Variants in TJP2 observed in about 807,000 individuals in gnomAD.
TJP2 encodes Friedreich ataxia region gene X104 (tight junction protein ZO-2).
A neutral mutation model predicts 133.1 loss-of-function variants in TJP2; 91 were observed. That is an observed-to-expected ratio of 0.68 (90% CI 0.58 to 0.81). TJP2 has a LOEUF of 0.81. TJP2 is among the 40% of genes least tolerant of loss of function. The probability of loss-of-function intolerance (pLI) is 0.00; values close to 1 mark genes in which losing one functional copy is unlikely to be tolerated. For synonymous variants in TJP2, 592 were observed against 583.4 expected, an observed-to-expected ratio of 1.01 and a Z score of -0.21; for missense variants, 1,541 against 1,565.6, an observed-to-expected ratio of 0.98 and a Z score of 0.26.
chr9:69,237,514 A>C (rs1030143297), intron 14 of TJP2, among the ~76,000 whole-genome samples: 2 of 152,164 alleles, frequency 1.3e-5, no homozygotes, highest in Non-Finnish European at 2.9e-5. Flanking sequence ...AAAAATAAAA[A>C]AAGTTTCCAT....
At chr9:69,180,009 G>A (rs1317023214) in intron 1 of TJP2, among the ~76,000 whole-genome samples, 1 of 152,122 alleles carries the variant, frequency 6.6e-6, no homozygotes, top group African/African-American at 2.4e-5. Context: ...TTCTATTGTA[G>A]ACTTTAATCA....
At chr9:69,226,925 A>G (rs187765864) in intron 7 of TJP2, among the ~76,000 whole-genome samples, 2 of 152,374 alleles carry the variant, frequency 1.3e-5, no homozygotes, top group Non-Finnish European at 2.9e-5. Flanking sequence ...ATTAATTAGC[A>G]GTCTGCATCA....
chr9:69,173,562 G>GA (rs1824809450), upstream of TJP2, among the ~76,000 whole-genome samples: 1 of 152,162 alleles, frequency 6.6e-6, no homozygotes. Flanking sequence ...ATATTGTCCT[G>GA]AAAAGTCCTG....
intron 1 of TJP2, among the ~76,000 whole-genome samples, chr9:69,143,021 T>C (rs1823074400): frequency 6.6e-6 from 1 of 152,222 alleles, no homozygotes; most frequent in Non-Finnish European, 1.5e-5. Context: ...TATGTATAAT[T>C]ATGAGAGATT....
intron 1 of TJP2, among the ~76,000 whole-genome samples, chr9:69,196,786 A>T (rs527673679): frequency 4.6e-5 from 7 of 152,068 alleles, no homozygotes; most frequent in African/African-American, 1.7e-4. Flanking sequence ...CATTTCCCCC[A>T]AACTCCCATA....
In TJP2 at chr9:69,221,416, A is replaced by G. The variant is rs1023034282; in HGVS notation, c.872A>G (p.His291Arg). ...GPRSRSREHP[H>R]SRSPSPEPRG... is the part of the protein sequence containing the mutation. ...CGAAGCCGCAGCCGCGAGCACCCGC[A>G]CTCACGGAGCCCCAGCCCCGAGCCT... The change falls in exon 5 of 23, where the codon CAC becomes CGC. Residue 291 changes from histidine to arginine, a missense_variant. Coordinates refer to ENST00000377245, the MANE Select transcript of TJP2 (RefSeq NM_004817.4). 6.3e-7 allele frequency: 1 copy of G among 1,585,124 alleles called. No individual in the cohort carries two copies. Among genetic ancestry groups the G allele is most frequent in the Non-Finnish European group, 8.6e-7 (1 of 1,165,924 alleles).
chr9:69,251,942 T>C (rs1563964034), intron 21 of TJP2, among the ~76,000 whole-genome samples: 1 of 152,196 alleles, frequency 6.6e-6, no homozygotes, highest in African/African-American at 2.4e-5. Flanking sequence ...TCGTAAAATA[T>C]ACATAACATA....
At chr9:69,124,420 C>G (rs1393483242) in intron 1 of TJP2, among the ~76,000 whole-genome samples, 1 of 76,622 alleles carries the variant, frequency 1.3e-5, no homozygotes, top group African/African-American at 4.0e-5. Flanking sequence ...CTTTGCTGCC[C>G]AGGCTAGTCT....
intron 12 of TJP2, among the ~76,000 whole-genome samples, chr9:69,235,447 C>T (rs561356994): frequency 5.9e-5 from 9 of 151,916 alleles, no homozygotes; most frequent in Admixed American, 6.6e-5. Flanking sequence ...CTCAGCCTCC[C>T]GAGTAGCTGG....
chr9:69,152,796 T>A (rs1046320387), intron 2 of TJP2, among the ~76,000 whole-genome samples: 17 of 148,168 alleles, frequency 1.1e-4, no homozygotes, highest in African/African-American at 3.9e-4. Flanking sequence ...TTTTGTTTAC[T>A]GAAATGTTCT....
At chr9:69,204,289 T>C (rs886446561) in intron 1 of TJP2, among the ~76,000 whole-genome samples, 6 of 152,214 alleles carry the variant, frequency 3.9e-5, no homozygotes, top group Admixed American at 2.0e-4. Flanking sequence ...TGGCACACTT[T>C]ACATTTGCAC....
intron 22 of TJP2, 129 bp downstream of exon 22, chr9:69,253,029 C>A: frequency 2.5e-6 from 2 of 785,586 alleles, no homozygotes; most frequent in Non-Finnish European, 4.2e-6. Context: ...TGACTGTTTG[C>A]CTTACTCATT....
intron 1 of TJP2, among the ~76,000 whole-genome samples, chr9:69,147,447 C>T (rs1412001906): frequency 6.6e-6 from 1 of 152,166 alleles, no homozygotes; most frequent in African/African-American, 2.4e-5. Context: ...ATTTACCATT[C>T]CTGAATTCTA....
In TJP2 at chr9:69,253,289, G is replaced by A. The variant is rs766057456; in HGVS notation, c.3407+389G>A. On this transcript the variant is annotated intron_variant, in intron 22 of 22. Transcript: ENST00000377245. ...TTGCATCATCCAGCAAAGTCAGACC[G>A]CTTGTGCTGCCCTGGGGTCTAAAGG... 32 of 265,930 alleles carry A rather than the reference G, an allele frequency of 1.2e-4. No individual in the cohort carries two copies. In the South Asian group the frequency reaches 1.3e-3, roughly 11 times the overall value. The allele number at this position is 265,930 out of a possible 1,614,324, so 16.5% of individuals were successfully genotyped here.
At position 69,185,990 on chromosome 9, in the gene TJP2, G is replaced by C. The variant is rs747422887; in HGVS notation, c.60+11558G>C. On this transcript the variant is annotated intron_variant, in intron 1 of 22. Transcript: ENST00000377245. ...TCACCGTGTTAGCCAGGATGGCCTC[G>C]ATCTCCTGACCTCATGATCCGCCTG... 9.9e-5 allele frequency among the ~76,000 whole-genome samples: 15 copies of C among 151,018 alleles called. 1 individual carries two copies. The highest frequency in any genetic ancestry group is 3.3e-4 in the Admixed American group (5 of 15,086).
intron 19 of TJP2, chr9:69,248,560 C>G (rs1372580715): frequency 8.2e-7 from 1 of 1,220,494 alleles, no homozygotes; most frequent in Non-Finnish European, 1.0e-6. Flanking sequence ...GTACTTGTAA[C>G]CTTTGATTAG....
intron 2 of TJP2, among the ~76,000 whole-genome samples, chr9:69,154,512 G>GATC (rs1301559418): frequency 6.6e-6 from 1 of 152,062 alleles, no homozygotes; most frequent in Non-Finnish European, 1.5e-5. Context: ...GACTTGGCAG[G>GATC]ATCATCTTTG....
intron 1 of TJP2, chr9:69,122,011 C>G (rs969981296): frequency 5.9e-5 from 9 of 152,484 alleles, no homozygotes; most frequent in Non-Finnish European, 1.3e-4. Context: ...TTCACTGCTT[C>G]CTCATCGCCC....
chr9:69,143,932 C>A (rs531090045), intron 1 of TJP2, among the ~76,000 whole-genome samples: 29 of 152,198 alleles, frequency 1.9e-4, no homozygotes, highest in African/African-American at 6.5e-4. Flanking sequence ...AAATAGTGTA[C>A]CTTATTACAA....
Sources: gnomAD v4.1 joint callset for allele counts (sites outside exome capture counted in the v4.1 genomes callset) on GRCh38, gnomAD v4.1.1 for gene constraint, MANE v1.5 for transcripts, NCBI Gene and HGNC (gene_info 2026-07-23, HGNC 2026-07-21) for gene names.